The following TLN2 variants were observed in gnomAD, a reference collection of about 807,000 sequenced individuals.
The protein encoded by TLN2 is talin-2.
A neutral mutation model predicts 294.7 loss-of-function variants in TLN2; 118 were observed. That is an observed-to-expected ratio of 0.40 (90% CI 0.34 to 0.47). The LOEUF (loss-of-function observed/expected upper bound fraction) is 0.47, where lower values mean the gene tolerates loss of function less well. TLN2 is among the 20% of genes least tolerant of loss of function. The pLI is 0.84. For missense variants in TLN2, 3,083 were observed against 3,282.2 expected (o/e 0.94, Z 1.48); for synonymous variants, 1,431 against 1,304.5 (o/e 1.10, Z -2.09).
At chr15:62,675,347 G>A in intron 11 of TLN2, 26 bp downstream of exon 11, 1 of 1,605,626 alleles carries the variant, frequency 6.2e-7, no homozygotes. Context: ...TGGGGAGAGT[G>A]TTCACCTTGG....
intron 1 of TLN2, among the ~76,000 whole-genome samples, chr15:62,422,323 T>G (rs916007809): frequency 6.6e-6 from 1 of 151,944 alleles, no homozygotes; most frequent in Non-Finnish European, 1.5e-5. Flanking sequence ...AAGATGTTGT[T>G]TAAAGTGCAG....
At chr15:62,559,859 G>A (rs1279094314) in intron 1 of TLN2, among the ~76,000 whole-genome samples, 1 of 152,176 alleles carries the variant, frequency 6.6e-6, no homozygotes, top group African/African-American at 2.4e-5. Context: ...GAACTTGCAA[G>A]GTCATTATTA....
intron 3 of TLN2, among the ~76,000 whole-genome samples, chr15:62,619,450 A>G (rs992923415): frequency 5.3e-5 from 8 of 152,240 alleles, no homozygotes; most frequent in Admixed American, 1.3e-4. Flanking sequence ...AATCAAGAGA[A>G]TTCTTGTCAT....
intron 26 of TLN2, among the ~76,000 whole-genome samples, chr15:62,723,559 T>TG (rs66645654): frequency 2.0e-5 from 3 of 150,534 alleles, no homozygotes; most frequent in Admixed American, 1.3e-4. Flanking sequence ...TTTTTTTTTT[T>TG]GTGAAACAGG....
chr15:62,781,281 C>T (rs1045287986), intron 44 of TLN2, 40 bp downstream of exon 44: 1 of 1,533,826 alleles, frequency 6.5e-7, no homozygotes. Context: ...TGTTGTTTGC[C>T]TTTTTATCCA....
intron 33 of TLN2, among the ~76,000 whole-genome samples, chr15:62,748,956 A>G (rs2140990352): frequency 6.6e-6 from 1 of 152,350 alleles, no homozygotes; most frequent in East Asian, 1.9e-4. Context: ...TGGGGCCCCT[A>G]AGGGCCCAGA....
chr15:62,552,841 C>A (rs1419188126), intron 1 of TLN2, among the ~76,000 whole-genome samples: 1 of 152,100 alleles, frequency 6.6e-6, no homozygotes, highest in East Asian at 1.9e-4. Context: ...AGGAACATAA[C>A]CTTGTATTTC....
chr15:62,761,728 C>G lies in TLN2; in HGVS notation c.4686C>G (p.Ile1562Met). Residue 1562 changes from isoleucine to methionine, a missense_variant, in exon 38 of 59, where the codon ATC (isoleucine) becomes ATG (methionine). By Grantham distance (10) the Ile-to-Met change is conservative (BLOSUM62 1). Coordinates refer to ENST00000636159, the MANE Select transcript of TLN2 (RefSeq NM_015059.3). ...FSEDNRNKCR[I>M]ATAPLIEAVE... ...AAGACAACCGCAATAAGTGTCGCAT[C>G]GCCACCGCACCCTTGATTGAAGCTG... The G allele has an allele frequency of 2.5e-6, 4 of 1,614,148 alleles. No individual in the cohort carries two copies. In the South Asian group the frequency reaches 4.4e-5, roughly 18 times the overall value.
intron 2 of TLN2, among the ~76,000 whole-genome samples, 186 bp from the exon 3 acceptor site, chr15:62,618,165 A>G (rs576465772): frequency 7.0e-6 from 1 of 142,524 alleles, no homozygotes; most frequent in African/African-American, 2.6e-5. Context: ...ATAGTGGCCC[A>G]AGACCCTAGG....
At chr15:62,434,486 C>T (rs1188002670) in intron 1 of TLN2, among the ~76,000 whole-genome samples, 3 of 152,108 alleles carry the variant, frequency 2.0e-5, no homozygotes, top group Non-Finnish European at 4.4e-5. Context: ...TGTGCATGCG[C>T]GCGCTCTTTC....
chr15:62,810,767 C>A (rs2066627513), intron 52 of TLN2, among the ~76,000 whole-genome samples: 1 of 152,184 alleles, frequency 6.6e-6, no homozygotes, highest in African/African-American at 2.4e-5. Context: ...TGTTTAGAAC[C>A]ATGTAAGGTC....
chr15:62,784,699 A>T (rs887148195), intron 45 of TLN2: 2 of 152,254 alleles, frequency 1.3e-5, no homozygotes, highest in African/African-American at 4.8e-5. Context: ...AGGAAGCCCA[A>T]TTTAAAATGA....
chr15:62,812,348 C>T (rs1306639860), intron 52 of TLN2, among the ~76,000 whole-genome samples: 2 of 152,154 alleles, frequency 1.3e-5, no homozygotes, highest in Admixed American at 1.3e-4. Flanking sequence ...ATCTATGGGT[C>T]CAGGCCCTGC....
At position 62,753,491 on chromosome 15, in the gene TLN2, A is replaced by C. The variant is rs1180038551; in HGVS notation, c.4333-282A>C. ...TGCCAGAGTAGTCAGGGCTGCATCCATCCTTATCCATGCCCCCAAAGAAGA... is the reference window on the plus strand; with the variant it reads ...TGCCAGAGTAGTCAGGGCTGCATCCCTCCTTATCCATGCCCCCAAAGAAGA... On this transcript the variant is annotated intron_variant, in intron 35 of 58. Transcript: ENST00000636159. Among the ~76,000 whole-genome samples, 3 of 152,200 alleles carry C rather than the reference A, an allele frequency of 2.0e-5. No individual in the cohort carries two copies. The East Asian group carries it at 5.8e-4, about 29-fold the overall frequency.
intron 1 of TLN2, among the ~76,000 whole-genome samples, chr15:62,460,062 G>A (rs943802007): frequency 6.6e-6 from 1 of 152,136 alleles, no homozygotes; most frequent in African/African-American, 2.4e-5. Context: ...GATGTCTGCC[G>A]AGGTGCTGCA....
intron 1 of TLN2, among the ~76,000 whole-genome samples, chr15:62,563,596 A>G (rs963617211): frequency 6.6e-6 from 1 of 152,152 alleles, no homozygotes; most frequent in Middle Eastern, 3.2e-3. Flanking sequence ...TAGTTTAATT[A>G]AGTCCCACCT....
intron 52 of TLN2, among the ~76,000 whole-genome samples, chr15:62,818,539 C>T (rs1484604949): frequency 6.6e-6 from 1 of 152,174 alleles, no homozygotes; most frequent in African/African-American, 2.4e-5. Flanking sequence ...TTAGTATTCT[C>T]AGTACCTTTT....
intron 2 of TLN2, among the ~76,000 whole-genome samples, chr15:62,617,104 G>A (rs989570496): frequency 1.3e-5 from 2 of 152,078 alleles, no homozygotes; most frequent in African/African-American, 4.8e-5. Flanking sequence ...CATGGAGCTC[G>A]GATTGTTTGG....
At chr15:62,665,630 A>G (rs2054533414) in intron 9 of TLN2, among the ~76,000 whole-genome samples, 2 of 152,150 alleles carry the variant, frequency 1.3e-5, no homozygotes, top group South Asian at 4.1e-4. Flanking sequence ...TTACTGAGAA[A>G]ACAAAGCAAC....
Sources: gnomAD v4.1 joint callset for allele counts (sites outside exome capture counted in the v4.1 genomes callset) on GRCh38, gnomAD v4.1.1 for gene constraint, MANE v1.5 for transcripts, NCBI Gene and HGNC (gene_info 2026-07-23, HGNC 2026-07-21) for gene names.